ZNF469: variants seen among roughly 807,000 people sequenced by gnomAD.
The protein encoded by ZNF469 is zinc finger protein 469.
A neutral mutation model predicts 1.0 loss-of-function variants in ZNF469; 1 was observed. The ratio of observed to expected loss-of-function variants is 1.00; its 90% CI spans 0.35 to 4.73. The LOEUF (loss-of-function observed/expected upper bound fraction) is 4.73, where lower values mean the gene tolerates loss of function less well. Among genes scored for constraint, ZNF469 ranks in the 30% most tolerant of loss-of-function variants. The probability of loss-of-function intolerance (pLI) is 0.16; values close to 1 mark genes in which losing one functional copy is unlikely to be tolerated. For missense variants in ZNF469, 6,100 were observed against 5,356.3 expected, an observed-to-expected ratio of 1.14 and a Z score of -4.33; for synonymous variants, 2,703 against 2,363.4, an observed-to-expected ratio of 1.14 and a Z score of -4.17.
chr16:88,288,570 C>G, the ZNF469 span, among the ~76,000 whole-genome samples: 1 of 152,192 alleles, frequency 6.6e-6, no homozygotes, highest in Admixed American at 6.5e-5. Flanking sequence ...TGATGAACAC[C>G]TGCTATGTGT....
chr16:88,136,272 C>A, the ZNF469 span, among the ~76,000 whole-genome samples: 1 of 152,246 alleles, frequency 6.6e-6, no homozygotes, highest in Non-Finnish European at 1.5e-5. Context: ...TGCCCTCCTC[C>A]TCCTCATCCC....
the ZNF469 span, among the ~76,000 whole-genome samples, chr16:88,374,224 C>A: frequency 6.6e-6 from 1 of 152,216 alleles, no homozygotes. Context: ...CAGCGAGACA[C>A]AGGACACAGT....
At chr16:88,371,044 G>T in the ZNF469 span, among the ~76,000 whole-genome samples, 2 of 152,248 alleles carry the variant, frequency 1.3e-5, no homozygotes, top group African/African-American at 2.4e-5. Flanking sequence ...GTGGCTGGCT[G>T]AATGCAGATA....
At chr16:88,183,619 G>A in the ZNF469 span, among the ~76,000 whole-genome samples, 9 of 152,358 alleles carry the variant, frequency 5.9e-5, no homozygotes, top group East Asian at 1.5e-3. Context: ...GTTGGAGGCC[G>A]GGAAGGGGCC....
At chr16:88,261,650 C>G in the ZNF469 span, among the ~76,000 whole-genome samples, 1 of 152,134 alleles carries the variant, frequency 6.6e-6, no homozygotes, top group Non-Finnish European at 1.5e-5. The surrounding 1 kb of genome is among the most constrained non-coding windows in gnomAD (Gnocchi z 6.0). Flanking sequence ...GAAAGTGACA[C>G]CTGCCTTTGA....
the ZNF469 span, among the ~76,000 whole-genome samples, chr16:88,267,757 G>T: frequency 6.8e-6 from 1 of 147,090 alleles, no homozygotes; most frequent in Non-Finnish European, 1.5e-5. Flanking sequence ...ACTGGGGGCA[G>T]GGGGTCAGCA....
the ZNF469 span, among the ~76,000 whole-genome samples, chr16:88,238,201 G>A: frequency 2.0e-4 from 30 of 152,326 alleles, no homozygotes; most frequent in Middle Eastern, 0.01. Context: ...CCATGTGGCC[G>A]GCAGCACCCA....
At chr16:88,132,822 G>A in the ZNF469 span, among the ~76,000 whole-genome samples, 21 of 152,298 alleles carry the variant, frequency 1.4e-4, no homozygotes, top group African/African-American at 2.4e-4. Flanking sequence ...GGAGGCCTCC[G>A]CACAGCATCA....
the ZNF469 span, among the ~76,000 whole-genome samples, chr16:88,267,953 C>CG: frequency 1.3e-5 from 2 of 151,960 alleles, no homozygotes; most frequent in Non-Finnish European, 2.9e-5. Context: ...CCATGCCCCC[C>CG]GGCAGCAAGG....
the ZNF469 span, among the ~76,000 whole-genome samples, chr16:88,149,361 A>C: frequency 6.6e-6 from 1 of 152,092 alleles, no homozygotes; most frequent in Non-Finnish European, 1.5e-5. Context: ...TTTCACAGAA[A>C]AGACCAAAGC....
At chr16:88,395,286 G>T (rs1413309901) in intron 1 of ZNF469, among the ~76,000 whole-genome samples, 3 of 143,360 alleles carry the variant, frequency 2.1e-5, no homozygotes, top group African/African-American at 7.8e-5. Flanking sequence ...TGGATGGATG[G>T]GTGGATGGAT....
chr16:88,143,093 C>G, the ZNF469 span, among the ~76,000 whole-genome samples: 1 of 152,168 alleles, frequency 6.6e-6, no homozygotes, highest in South Asian at 2.1e-4. Flanking sequence ...TCACCGACAC[C>G]CGGTGAGCAC....
At chr16:88,374,429 C>T in the ZNF469 span, among the ~76,000 whole-genome samples, 3 of 152,086 alleles carry the variant, frequency 2.0e-5, no homozygotes, top group African/African-American at 4.8e-5. Flanking sequence ...TGGCCTGAGT[C>T]GGAGTTGGGG....
At chr16:88,366,283 A>C in the ZNF469 span, among the ~76,000 whole-genome samples, 1 of 151,664 alleles carries the variant, frequency 6.6e-6, no homozygotes, top group Non-Finnish European at 1.5e-5. Flanking sequence ...CATTACCTTC[A>C]CCACCACCAC....
At chr16:88,381,822 C>A (rs969136499), upstream of ZNF469, among the ~76,000 whole-genome samples, 2 of 152,238 alleles carry the variant, frequency 1.3e-5, no homozygotes, top group Non-Finnish European at 2.9e-5. Context: ...TATTCTATAC[C>A]GTTCGCAGAG....
the ZNF469 span, among the ~76,000 whole-genome samples, chr16:88,239,340 C>A: frequency 1.3e-5 from 2 of 152,166 alleles, no homozygotes; most frequent in African/African-American, 4.8e-5. Flanking sequence ...GAAGAAGATT[C>A]TTTAAGTTCT....
chr16:88,153,096 C>G, the ZNF469 span, among the ~76,000 whole-genome samples: 39 of 152,176 alleles, frequency 2.6e-4, no homozygotes, highest in Non-Finnish European at 5.3e-4. Flanking sequence ...TCCTGCTGCC[C>G]CGGGCAGGTT....
At chr16:88,128,232 G>A in the ZNF469 span, among the ~76,000 whole-genome samples, 6 of 152,014 alleles carry the variant, frequency 3.9e-5, no homozygotes, top group Non-Finnish European at 5.9e-5. Context: ...TGAGGGCCAC[G>A]TCGCCCAGAA....
At chr16:88,268,069 A>G in the ZNF469 span, among the ~76,000 whole-genome samples, 31 of 152,082 alleles carry the variant, frequency 2.0e-4, no homozygotes, top group East Asian at 4.7e-3. Context: ...TCCCCTCTTC[A>G]TGGAGGTTGA....
Sources: gnomAD v4.1 joint callset for allele counts (sites outside exome capture counted in the v4.1 genomes callset) on GRCh38, gnomAD v4.1.1 for gene constraint, Gnocchi (gnomAD v3.1) non-coding constraint, MANE v1.5 for transcripts, NCBI Gene and HGNC (gene_info 2026-07-23, HGNC 2026-07-21) for gene names.